The following SKI variants were observed in gnomAD, a reference collection of about 807,000 sequenced individuals.
SKI encodes SKI proto-oncogene.
A neutral mutation model predicts 59.3 loss-of-function variants in SKI; 23 were observed. The observed-to-expected ratio is 0.39, with a 90% CI of 0.28 to 0.55. The LOEUF is 0.55. Ranked by LOEUF, SKI falls within the 20% of genes least tolerant of loss-of-function variation. The pLI is 0.67. For synonymous variants in SKI, 673 were observed against 488.6 expected (o/e 1.38, Z -4.98); for missense variants, 1,017 against 1,038.9 (o/e 0.98, Z 0.29).
chr1:2,278,958 C>T (rs996310443), intron 1 of SKI, among the ~76,000 whole-genome samples: 2 of 152,210 alleles, frequency 1.3e-5, no homozygotes, highest in African/African-American at 4.8e-5. Flanking sequence ...GCCTCCTGGA[C>T]CCTGGCGTTG....
intron 1 of SKI, among the ~76,000 whole-genome samples, chr1:2,271,079 T>G (rs1639605946): frequency 6.6e-6 from 1 of 152,128 alleles, no homozygotes; most frequent in Admixed American, 6.5e-5. Context: ...ATGCGCGACT[T>G]GGGCCCACCC....
rs1557806969 is a variant in SKI, at chr1:2,229,301, A to C, written c.535A>C (p.Lys179Gln). The change falls in exon 1 of 7, where the codon AAG becomes CAG. Residue 179 changes from lysine (K) to glutamine (Q), a missense_variant. Lys to Gln is a moderately conservative substitution (Grantham distance 53). Transcript: ENST00000378536. This position sits in a 1 kb window ranked among gnomAD's most constrained non-coding sequence, Gnocchi z 6.3. Reference protein sequence around the residue: ...FSAPSCGLITKTDAERLCNAL... With the variant: ...FSAPSCGLITQTDAERLCNAL... ...GGCGCCCTCGTGCGGGCTCATCACCAAGACGGACGCCGAGCGCCTGTGCAA... is the reference window on the plus strand; with the variant it reads ...GGCGCCCTCGTGCGGGCTCATCACCCAGACGGACGCCGAGCGCCTGTGCAA... 1.3e-6 allele frequency: 2 copies of C among 1,596,428 alleles called. No individual in the cohort carries two copies. Among genetic ancestry groups the C allele is most frequent in the Non-Finnish European group, 1.7e-6 (2 of 1,172,448 alleles).
At chr1:2,261,634 TTTA>T (rs1639388041) in intron 1 of SKI, among the ~76,000 whole-genome samples, 1 of 152,270 alleles carries the variant, frequency 6.6e-6, no homozygotes, top group Non-Finnish European at 1.5e-5. Context: ...CCTAGTGGCT[TTTA>T]TTGTAGTTGC....
At chr1:2,305,548 G>T (rs1159332487) in intron 5 of SKI, among the ~76,000 whole-genome samples, 2 of 152,200 alleles carry the variant, frequency 1.3e-5, no homozygotes, top group Non-Finnish European at 1.5e-5. Flanking sequence ...GCAGCGTGGG[G>T]TGTGAGTCAC....
Position 2,229,771 on chromosome 1 carries a change from C to T in SKI, c.969+36C>T. 1 of 1,550,142 alleles carries T rather than the reference C, an allele frequency of 6.5e-7. No homozygotes were observed. Among genetic ancestry groups the T allele is most frequent in the Non-Finnish European group, 8.7e-7 (1 of 1,147,084 alleles). On this transcript the variant is annotated intron_variant, in intron 1 of 6. Coordinates refer to ENST00000378536, the MANE Select transcript of SKI (RefSeq NM_003036.4). This position sits in a 1 kb window ranked among gnomAD's most constrained non-coding sequence, Gnocchi z 6.3. ...CCAGGCCTGGGAGCTGGGGAGGATG[C>T]GCTTGGGGTGGGGGCCCCTTCTGGA...
At chr1:2,295,781 T>C (rs1248656015) in intron 1 of SKI, among the ~76,000 whole-genome samples, 1 of 152,194 alleles carries the variant, frequency 6.6e-6, no homozygotes, top group Non-Finnish European at 1.5e-5. Flanking sequence ...CAAGGCTCCT[T>C]CCTTCCTTTT....
chr1:2,265,203 T>C lies in SKI; in HGVS notation c.969+35468T>C, dbSNP rs910686221. 4.6e-5 allele frequency among the ~76,000 whole-genome samples: 7 copies of C among 152,178 alleles called. No individual in the cohort carries two copies. In the South Asian group the frequency reaches 6.2e-4, roughly 14 times the overall value. ...TGCCGCATGTGTTTGGAGTACGTTGTGTAGTTTTTGTCAGGTTTGGAAGGT... is the reference window on the plus strand; with the variant it reads ...TGCCGCATGTGTTTGGAGTACGTTGCGTAGTTTTTGTCAGGTTTGGAAGGT... On this transcript the variant is annotated intron_variant, in intron 1 of 6. Transcript: ENST00000378536.
chr1:2,248,818 C>T (rs1050087246), intron 1 of SKI, among the ~76,000 whole-genome samples: 6 of 152,190 alleles, frequency 3.9e-5, no homozygotes, highest in African/African-American at 7.2e-5. Flanking sequence ...AGAGAGGCAG[C>T]GTGGCTTAGG....
chr1:2,237,826 T>C (rs567624053), intron 1 of SKI, among the ~76,000 whole-genome samples: 12 of 152,362 alleles, frequency 7.9e-5, no homozygotes, highest in Admixed American at 7.2e-4. Context: ...GAGCTCGTCC[T>C]GCAGAACACG....
chr1:2,306,517 C>A, intron 6 of SKI, 60 bp from the exon 7 acceptor site: 1 of 1,490,168 alleles, frequency 6.7e-7, no homozygotes, highest in Non-Finnish European at 9.0e-7. Flanking sequence ...GTGGGGGAAG[C>A]AGCGTCGGGC....
chr1:2,276,494 C>T (rs966899753), intron 1 of SKI, among the ~76,000 whole-genome samples: 6 of 152,248 alleles, frequency 3.9e-5, no homozygotes, highest in Admixed American at 2.6e-4. Context: ...GGCTGAGGGC[C>T]TGTAGGGCCC....
chr1:2,241,820 A>G (rs918825893), intron 1 of SKI, among the ~76,000 whole-genome samples: 1 of 152,220 alleles, frequency 6.6e-6, no homozygotes, highest in Non-Finnish European at 1.5e-5. Flanking sequence ...TTGCCTAACA[A>G]AGCTGAGGGC....
chr1:2,256,743 C>T (rs1050396473), intron 1 of SKI, among the ~76,000 whole-genome samples: 1 of 152,232 alleles, frequency 6.6e-6, no homozygotes, highest in African/African-American at 2.4e-5. Flanking sequence ...CTGCCATCTG[C>T]TTTGGGCTCT....
intron 1 of SKI, among the ~76,000 whole-genome samples, chr1:2,259,001 G>C (rs1639329166): frequency 6.6e-6 from 1 of 152,188 alleles, no homozygotes; most frequent in South Asian, 2.1e-4. Flanking sequence ...TCAAACCCAA[G>C]GTTTGGAATC....
intron 1 of SKI, among the ~76,000 whole-genome samples, chr1:2,279,682 C>A (rs1268599203): frequency 6.6e-6 from 1 of 152,152 alleles, no homozygotes; most frequent in East Asian, 1.9e-4. Context: ...CTGGGCGTGG[C>A]CCAGCCCCAC....
Position 2,236,888 on chromosome 1 carries a change from G to A in SKI, c.969+7153G>A, listed in dbSNP as rs917909240. ...GACCAACTGCGGCTTCTGCTGGAAC[G>A]TCGGCGGCTGACTTAGAAAGAAACA... On this transcript the variant is annotated intron_variant, in intron 1 of 6. Transcript: ENST00000378536. Among the ~76,000 whole-genome samples, 16 of 152,322 alleles carry A rather than the reference G, an allele frequency of 1.1e-4. No individual in the cohort carries two copies. The East Asian group carries it at 2.7e-3, about 26-fold the overall frequency.
At chr1:2,292,794 T>G (rs1158446102) in intron 1 of SKI, among the ~76,000 whole-genome samples, 1 of 152,210 alleles carries the variant, frequency 6.6e-6, no homozygotes, top group Non-Finnish European at 1.5e-5. Context: ...GGGGGTGGTC[T>G]TCTGACGCCG....
chr1:2,264,993 G>C (rs961087483), intron 1 of SKI, among the ~76,000 whole-genome samples: 1 of 152,100 alleles, frequency 6.6e-6, no homozygotes, highest in Non-Finnish European at 1.5e-5. Context: ...TGTATTTTTA[G>C]TAGAGACGGG....
Position 2,269,274 on chromosome 1 carries a change from C to T in SKI, c.970-33704C>T, listed in dbSNP as rs1334004438. On this transcript the variant is annotated intron_variant, in intron 1 of 6. Transcript: ENST00000378536. This position sits in a 1 kb window ranked among gnomAD's most constrained non-coding sequence, Gnocchi z 4.7. ...TGTTTGATTCTCGATGCAGATCCAG[C>T]CCTGGGAAGAAAGCACCGCTGGCCA... 6.6e-6 allele frequency among the ~76,000 whole-genome samples: 1 copy of T among 152,190 alleles called. No homozygotes were observed. Among genetic ancestry groups the T allele is most frequent in the East Asian group, 1.9e-4 (1 of 5,196 alleles).
Sources: gnomAD v4.1 joint callset for allele counts (sites outside exome capture counted in the v4.1 genomes callset) on GRCh38, gnomAD v4.1.1 for gene constraint, Gnocchi (gnomAD v3.1) non-coding constraint, MANE v1.5 for transcripts, NCBI Gene and HGNC (gene_info 2026-07-23, HGNC 2026-07-21) for gene names.